SEM1: variants seen among roughly 807,000 people sequenced by gnomAD.
SEM1 encodes the protein 26S proteasome complex subunit SEM1.
A neutral mutation model predicts 12.7 loss-of-function variants in SEM1; 3 were observed. The observed-to-expected ratio is 0.24, with a 90% CI of 0.11 to 0.61. The LOEUF (loss-of-function observed/expected upper bound fraction) is 0.61, where lower values mean the gene tolerates loss of function less well. SEM1 is among the 20% of genes least tolerant of loss of function. SEM1 has a pLI of 0.88. For synonymous variants in SEM1, 30 were observed against 27.8 expected (o/e 1.08, Z -0.25); for missense variants, 59 against 81.3 (o/e 0.73, Z 1.06).
At position 96,527,308 on chromosome 7, in the gene SEM1, C is replaced by CA. The variant is rs1283502456; in HGVS notation, c.171-20611dup. Among the ~76,000 whole-genome samples the CA allele has an allele frequency of 8.6e-5, 13 of 151,848 alleles. No homozygotes were observed. The East Asian group carries it at 1.8e-3, about 20-fold the overall frequency. On this transcript the variant is annotated intron_variant and NMD_transcript_variant, in intron 2 of 3. Transcript: ENST00000466986. ...AGTTCTGAGACTGATGTAAAAGTTC[C>CA]AAAAAAAATATTCTGCGGCAAAGGC...
At position 96,565,921 on chromosome 7, in the gene SEM1, T is replaced by A. The variant is rs77499205; in HGVS notation, c.171-59223A>T. On this transcript the variant is annotated intron_variant and NMD_transcript_variant, in intron 2 of 3. Transcript: ENST00000466986. ...ATCCTTGTCATGTTGGATTCTCTGA[T>A]AAAAGCTTAGAAAGAATAATGCAAA... 6.7e-3 allele frequency among the ~76,000 whole-genome samples: 1,021 copies of A among 151,956 alleles called. 68 individuals are homozygous for A. The East Asian group carries it at 0.15, about 22-fold the overall frequency.
intron 2 of SEM1, among the ~76,000 whole-genome samples, chr7:96,527,316 AT>A (rs1377236032): frequency 6.6e-6 from 1 of 152,136 alleles, no homozygotes; most frequent in Non-Finnish European, 1.5e-5. Flanking sequence ...TCCAAAAAAA[AT>A]ATTCTGCGGC....
rs1411734501 is a variant in SEM1, at chr7:96,570,904, T to G, written c.171-64206A>C. Among the ~76,000 whole-genome samples, 3 of 152,100 alleles carry G rather than the reference T, an allele frequency of 2.0e-5. No homozygotes were observed. In the East Asian group the frequency reaches 5.8e-4, roughly 29 times the overall value. On this transcript the variant is annotated intron_variant and NMD_transcript_variant, in intron 2 of 3. Coordinates refer to the SEM1 transcript ENST00000466986. ...TTAATGATCGTCATTCTAACTGGCA[T>G]GAGATGGTATCTTACTGTGGTTTTG...
intron 2 of SEM1, among the ~76,000 whole-genome samples, chr7:96,521,364 T>G (rs995551967): frequency 7.9e-5 from 12 of 152,128 alleles, no homozygotes; most frequent in African/African-American, 1.9e-4. Flanking sequence ...AAGGTCATCA[T>G]TCCCCAGCAG....
At chr7:96,493,690 A>C (rs1465609093) in intron 1 of SEM1, among the ~76,000 whole-genome samples, 1 of 152,084 alleles carries the variant, frequency 6.6e-6, no homozygotes, top group Admixed American at 6.6e-5. Flanking sequence ...CAGTGGCATT[A>C]AGTTCAAGGT....
chr7:96,541,351 C>G (rs140518722), intron 2 of SEM1, among the ~76,000 whole-genome samples: 1 of 150,170 alleles, frequency 6.7e-6, no homozygotes, highest in Non-Finnish European at 1.5e-5. Context: ...TGATGCTGAA[C>G]GTTTTTTATA....
chr7:96,659,545 A>C (rs1388480767), intron 2 of SEM1, among the ~76,000 whole-genome samples: 1 of 152,216 alleles, frequency 6.6e-6, no homozygotes, highest in Non-Finnish European at 1.5e-5. Flanking sequence ...GTGAGCAAAG[A>C]AATGTCTAAA....
chr7:96,491,492 TA>T, intron 1 of SEM1, among the ~76,000 whole-genome samples: 1 of 152,190 alleles, frequency 6.6e-6, no homozygotes, highest in Admixed American at 6.5e-5. Flanking sequence ...CACATCTTAC[TA>T]GTTTATTTAG....
chr7:96,618,376 C>G (rs182532813), downstream of SEM1, among the ~76,000 whole-genome samples: 158 of 152,242 alleles, frequency 1.0e-3, no homozygotes, highest in African/African-American at 3.7e-3. Context: ...CTGTGGGGAA[C>G]TACTTTTTAT....
intron 2 of SEM1, among the ~76,000 whole-genome samples, chr7:96,518,607 A>G (rs1440300410): frequency 1.3e-5 from 2 of 152,102 alleles, no homozygotes; most frequent in East Asian, 3.9e-4. Flanking sequence ...CTCTGAATTT[A>G]TATTCATCAC....
chr7:96,501,231 C>T (rs1458672460), upstream of SEM1, among the ~76,000 whole-genome samples: 1 of 152,090 alleles, frequency 6.6e-6, no homozygotes, highest in Non-Finnish European at 1.5e-5. Flanking sequence ...CTCAGTAGGT[C>T]TGAAAGCTAC....
intron 2 of SEM1, among the ~76,000 whole-genome samples, chr7:96,638,512 G>C (rs1392920560): frequency 1.3e-5 from 2 of 151,688 alleles, no homozygotes; most frequent in Non-Finnish European, 2.9e-5. Flanking sequence ...TATAGAAAAG[G>C]TCCAGTGAAG....
rs1808211870 is a variant in SEM1 at position 96,630,416 on chromosome 7, T to C, written c.171-7773A>G. Among the ~76,000 whole-genome samples, 3 of 152,154 alleles carry C rather than the reference T, an allele frequency of 2.0e-5. No individual in the cohort carries two copies. In the East Asian group the frequency reaches 5.8e-4, roughly 29 times the overall value. ...GCCTCACCCTGTGGCCACACTACCA[T>C]AGGCTCATGAGGAGTACTGCCAGAC... On this transcript the variant is annotated intron_variant, in intron 2 of 2. Coordinates refer to the SEM1 transcript ENST00000417009.
At chr7:96,489,880 G>A (rs902929374) in intron 1 of SEM1, among the ~76,000 whole-genome samples, 1 of 152,110 alleles carries the variant, frequency 6.6e-6, no homozygotes, top group African/African-American at 2.4e-5. Flanking sequence ...CTAGATTTAA[G>A]TCTTACCCTA....
downstream of SEM1, chr7:96,622,085 GA>G (rs1488087505): frequency 2.6e-5 from 4 of 152,614 alleles, no homozygotes; most frequent in African/African-American, 9.7e-5. Flanking sequence ...CCTCACCAGG[GA>G]GTATGGCATG....
chr7:96,682,803 T>G (rs963708627), intron 2 of SEM1, among the ~76,000 whole-genome samples: 4 of 152,050 alleles, frequency 2.6e-5, no homozygotes, highest in Admixed American at 2.6e-4. Flanking sequence ...ATCCTTTGTC[T>G]ATCTTTGGAT....
At chr7:96,484,741 C>T (rs746508150) in intron 3 of SEM1, 7 of 757,568 alleles carry the variant, frequency 9.2e-6, no homozygotes, top group Non-Finnish European at 1.4e-5. Context: ...CTCAATTTCA[C>T]TGGCATCACT....
chr7:96,513,279 G>A (rs372263890), intron 2 of SEM1, among the ~76,000 whole-genome samples: 2 of 152,142 alleles, frequency 1.3e-5, no homozygotes, highest in East Asian at 1.9e-4. Context: ...AACCAACCCT[G>A]ACAGCACCCT....
chr7:96,504,150 T>C (rs75684863), intron 3 of SEM1, among the ~76,000 whole-genome samples: 13,250 of 152,240 alleles, frequency 0.087, 736 homozygotes, highest in South Asian at 0.18. Context: ...TTTGAAGACT[T>C]TCTGAAGTCC....
Sources: allele counts gnomAD v4.1 joint callset (sites outside exome capture counted in the v4.1 genomes callset), GRCh38; gene constraint gnomAD v4.1.1; transcripts MANE v1.5; gene names NCBI Gene and HGNC (gene_info 2026-07-23, HGNC 2026-07-21).